IGF2BP3: variants seen among roughly 807,000 people sequenced by gnomAD.
The protein encoded by IGF2BP3 is insulin like growth factor 2 mRNA binding protein 3, also known as insulin-like growth factor 2 mRNA-binding protein 3.
In IGF2BP3, 9 loss-of-function variants were observed where a neutral mutation model predicts 73.8. That is an observed-to-expected ratio of 0.12 (90% CI 0.07 to 0.21). The LOEUF (loss-of-function observed/expected upper bound fraction) is 0.21, where lower values mean the gene tolerates loss of function less well. IGF2BP3 is among the 10% of genes least tolerant of loss of function. IGF2BP3 has a pLI of 1.00. For missense variants in IGF2BP3, 542 were observed against 714.0 expected (o/e 0.76, Z 2.75); for synonymous variants, 258 against 256.7 (o/e 1.01, Z -0.05).
chr7:23,455,935 T>C (rs1324154018), intron 2 of IGF2BP3, among the ~76,000 whole-genome samples: 1 of 152,188 alleles, frequency 6.6e-6, no homozygotes, highest in Admixed American at 6.5e-5. Context: ...TCCACCCGCC[T>C]CTGGCTCCGA....
intron 2 of IGF2BP3, among the ~76,000 whole-genome samples, chr7:23,454,806 G>T (rs1788278390): frequency 6.6e-6 from 1 of 152,086 alleles, no homozygotes; most frequent in Non-Finnish European, 1.5e-5. Context: ...TTCTCCAAAG[G>T]TTCATTACAT....
intron 2 of IGF2BP3, among the ~76,000 whole-genome samples, chr7:23,432,110 C>T (rs555104356): frequency 1.5e-4 from 23 of 152,224 alleles, no homozygotes; most frequent in Middle Eastern, 3.4e-3. Context: ...GTTTTAGTCC[C>T]GTTAACTAAA....
At chr7:23,344,686 T>C (rs763252849) in intron 8 of IGF2BP3, among the ~76,000 whole-genome samples, 17 of 152,250 alleles carry the variant, frequency 1.1e-4, no homozygotes, top group Non-Finnish European at 2.4e-4. Flanking sequence ...GGATTATTGG[T>C]ACAAATCTCC....
intron 3 of IGF2BP3, among the ~76,000 whole-genome samples, chr7:23,391,824 G>A (rs77258714): frequency 6.6e-6 from 1 of 152,318 alleles, no homozygotes; most frequent in East Asian, 1.9e-4. Flanking sequence ...AGATCAAAAT[G>A]AGTAAGAACT....
chr7:23,435,700 C>A (rs961675832), intron 2 of IGF2BP3, among the ~76,000 whole-genome samples: 2 of 152,136 alleles, frequency 1.3e-5, no homozygotes, highest in Admixed American at 1.3e-4. Context: ...TCATGATCCA[C>A]CCACCTCGGC....
At chr7:23,463,613 A>G (rs1201104362) in intron 2 of IGF2BP3, among the ~76,000 whole-genome samples, 2 of 152,236 alleles carry the variant, frequency 1.3e-5, no homozygotes, top group African/African-American at 4.8e-5. Flanking sequence ...AGAGAATGTA[A>G]CTGATCACAC....
At chr7:23,322,185 A>C (rs1279738655) in intron 10 of IGF2BP3, among the ~76,000 whole-genome samples, 5 of 152,306 alleles carry the variant, frequency 3.3e-5, no homozygotes, top group Admixed American at 1.3e-4. Context: ...AAAGTTTAGA[A>C]GAATGTATAA....
At chr7:23,331,860 A>G (rs1156410337) in intron 10 of IGF2BP3, among the ~76,000 whole-genome samples, 5 of 94,528 alleles carry the variant, frequency 5.3e-5, no homozygotes, top group South Asian at 4.4e-4. Context: ...ACTGTCTCAG[A>G]AAAAAAAAAA....
In IGF2BP3 at chr7:23,425,947, C is replaced by T. The variant is rs187525745; in HGVS notation, c.237-7123G>A. ...TACCACTGCACTCCAGCCTGGGCAA[C>T]AGGGTGAGATCCTATCTCAAAAAAA... is the stretch of plus-strand genomic sequence containing the variant. On this transcript the variant is annotated intron_variant, in intron 2 of 14. Transcript: ENST00000258729. Among the ~76,000 whole-genome samples the T allele has an allele frequency of 4.3e-3, 631 of 147,850 alleles. 2 individuals are homozygous for T. Among genetic ancestry groups the T allele is most frequent in the South Asian group, 0.023 (106 of 4,612 alleles).
intron 3 of IGF2BP3, among the ~76,000 whole-genome samples, chr7:23,394,902 G>C (rs1786400058): frequency 6.6e-6 from 1 of 152,218 alleles, no homozygotes; most frequent in Admixed American, 6.5e-5. Flanking sequence ...TGTTTGTTCA[G>C]CTGGGCAACT....
At position 23,366,504 on chromosome 7, in the gene IGF2BP3, T is replaced by C. The variant is rs189187820; in HGVS notation, c.286-4763A>G. 3.3e-5 allele frequency among the ~76,000 whole-genome samples: 5 copies of C among 150,976 alleles called. No individual in the cohort carries two copies. The East Asian group carries it at 9.7e-4, about 29-fold the overall frequency. ...TGCACTTTTTTTAAATGGTGAGTTTTATTGTCTGTGAATAATACTTCAACA... is the reference window on the plus strand; with the variant it reads ...TGCACTTTTTTTAAATGGTGAGTTTCATTGTCTGTGAATAATACTTCAACA... On this transcript the variant is annotated intron_variant, in intron 3 of 14. Transcript: ENST00000258729.
chr7:23,447,552 G>C (rs1451194401), intron 2 of IGF2BP3, among the ~76,000 whole-genome samples: 1 of 150,802 alleles, frequency 6.6e-6, no homozygotes, highest in Non-Finnish European at 1.5e-5. Context: ...TTGAACCTGG[G>C]TGCGGAGGTT....
intron 12 of IGF2BP3, among the ~76,000 whole-genome samples, chr7:23,315,556 C>CA (rs1467862566): frequency 3.3e-5 from 5 of 152,094 alleles, no homozygotes; most frequent in Non-Finnish European, 5.9e-5. Context: ...GGGTAAACCA[C>CA]AAAAAACAAT....
At chr7:23,351,994 G>A (rs1784974795) in intron 5 of IGF2BP3, among the ~76,000 whole-genome samples, 1 of 152,234 alleles carries the variant, frequency 6.6e-6, no homozygotes, top group Non-Finnish European at 1.5e-5. Context: ...CCAAACCACA[G>A]TGGAAGAGAC....
At chr7:23,433,233 A>T (rs75136685) in intron 2 of IGF2BP3, among the ~76,000 whole-genome samples, 15,951 of 151,924 alleles carry the variant, frequency 0.1, 924 homozygotes, top group Middle Eastern at 0.15. Flanking sequence ...ATATCATTAT[A>T]TTTTTTTCCC....
At chr7:23,333,134 G>A (rs999770397) in intron 10 of IGF2BP3, among the ~76,000 whole-genome samples, 2 of 152,148 alleles carry the variant, frequency 1.3e-5, no homozygotes, top group African/African-American at 2.4e-5. Flanking sequence ...AGGAGGTGAA[G>A]AAATAAGAGC....
chr7:23,447,517 C>G (rs765497072), intron 2 of IGF2BP3, among the ~76,000 whole-genome samples: 56 of 150,808 alleles, frequency 3.7e-4, no homozygotes, highest in African/African-American at 1.1e-3. Flanking sequence ...CCCAGCTACT[C>G]GGGAGGCTGA....
At chr7:23,318,606 T>C (rs985796861) in intron 11 of IGF2BP3, among the ~76,000 whole-genome samples, 1 of 152,204 alleles carries the variant, frequency 6.6e-6, no homozygotes, top group African/African-American at 2.4e-5. Context: ...ACACCATTAT[T>C]TGTCCTCTGG....
chr7:23,426,304 G>C (rs898077010), intron 2 of IGF2BP3, among the ~76,000 whole-genome samples: 1 of 105,604 alleles, frequency 9.5e-6, no homozygotes, highest in Non-Finnish European at 1.7e-5. Flanking sequence ...TGGGCAGTAA[G>C]AGCAAAATTC....
Sources: gnomAD v4.1 joint callset for allele counts (sites outside exome capture counted in the v4.1 genomes callset) on GRCh38, gnomAD v4.1.1 for gene constraint, MANE v1.5 for transcripts, NCBI Gene and HGNC (gene_info 2026-07-23, HGNC 2026-07-21) for gene names.